Variants in EML1 observed in about 807,000 individuals in gnomAD.
EML1 encodes EMAP like 1, also known as echinoderm microtubule-associated protein-like 1.
Under a neutral mutation model 110.4 loss-of-function variants are expected in EML1, and 27 were observed. The observed-to-expected ratio is 0.24, with a 90% CI of 0.18 to 0.34. EML1 has a LOEUF of 0.34. Ranked by LOEUF, EML1 falls within the 10% of genes least tolerant of loss-of-function variation. The pLI, the probability that EML1 is intolerant of heterozygous loss-of-function variation, is 1.00. For synonymous variants in EML1, 344 were observed against 385.8 expected, an observed-to-expected ratio of 0.89 and a Z score of 1.27; for missense variants, 741 against 1,030.9, an observed-to-expected ratio of 0.72 and a Z score of 3.85.
chr14:99,756,993 G>A (rs375871287), intron 1 of EML1, among the ~76,000 whole-genome samples: 1 of 152,314 alleles, frequency 6.6e-6, no homozygotes, highest in Non-Finnish European at 1.5e-5. Context: ...CCCCAGGACC[G>A]GCGGCACAAT....
At chr14:99,920,664 T>C in intron 16 of EML1, 125 bp from the exon 17 acceptor site, 1 of 747,162 alleles carries the variant, frequency 1.3e-6, no homozygotes, top group Non-Finnish European at 2.1e-6. Flanking sequence ...ACAAGCTTTC[T>C]TATTAAGCAA....
At chr14:99,922,218 C>T (rs576576925) in intron 17 of EML1, among the ~76,000 whole-genome samples, 11 of 151,938 alleles carry the variant, frequency 7.2e-5, no homozygotes, top group Admixed American at 2.0e-4. Flanking sequence ...CAGGTTCAAG[C>T]GATTCTTCTG....
At chr14:99,835,193 C>T (rs929806202) in intron 1 of EML1, among the ~76,000 whole-genome samples, 11 of 152,088 alleles carry the variant, frequency 7.2e-5, no homozygotes, top group Non-Finnish European at 1.5e-4. Context: ...CTTGCATGAG[C>T]TTTGTTACTT....
intron 1 of EML1, among the ~76,000 whole-genome samples, chr14:99,816,540 G>A (rs1456177935): frequency 6.6e-6 from 1 of 152,260 alleles, no homozygotes; most frequent in Admixed American, 6.5e-5. Context: ...GACATCAGGA[G>A]CTTAGAGGCT....
Position 99,809,090 on chromosome 14 carries a change from G to A in EML1, c.67+15547G>A, listed in dbSNP as rs561620603. Among the ~76,000 whole-genome samples the A allele has an allele frequency of 8.5e-5, 13 of 152,296 alleles. No individual in the cohort carries two copies. The East Asian group carries it at 1.7e-3, about 20-fold the overall frequency. On this transcript the variant is annotated intron_variant, in intron 1 of 21. Transcript: ENST00000262233. The stretch of plus-strand genomic sequence containing the variant: ...ATTTGTTGTCTTCATGTTAGCATCC[G>A]TGTTGACCTGGTAATCTATACCTTT...
chr14:99,769,556 GGTTTGTC>G (rs1343057256), upstream of EML1, among the ~76,000 whole-genome samples: 5 of 152,194 alleles, frequency 3.3e-5, no homozygotes, highest in African/African-American at 1.2e-4. Flanking sequence ...CAGTTTCAAT[GGTTTGTC>G]AATCTGATAT....
chr14:99,917,180 A>G (rs1253224460), intron 15 of EML1, among the ~76,000 whole-genome samples: 1 of 152,326 alleles, frequency 6.6e-6, no homozygotes, highest in East Asian at 1.9e-4. Flanking sequence ...GCTGGGTTCT[A>G]TAAGCTGTGA....
intron 4 of EML1, among the ~76,000 whole-genome samples, chr14:99,879,283 CT>C (rs200847445): frequency 6.6e-6 from 1 of 152,224 alleles, no homozygotes; most frequent in East Asian, 1.9e-4. Flanking sequence ...ATATTTATAT[CT>C]ATATAATGTA....
intron 17 of EML1, among the ~76,000 whole-genome samples, chr14:99,924,614 CA>C (rs2060200456): frequency 6.6e-6 from 1 of 152,066 alleles, no homozygotes; most frequent in South Asian, 2.1e-4. Context: ...TTACTGAAAC[CA>C]CAGAAAGTTG....
intron 4 of EML1, among the ~76,000 whole-genome samples, chr14:99,881,193 G>A (rs747093470): frequency 3.3e-5 from 5 of 152,208 alleles, no homozygotes; most frequent in Admixed American, 6.5e-5. Context: ...TAGGGTGCAT[G>A]TGAGTGAGAG....
At chr14:99,809,293 G>A (rs145513106) in intron 1 of EML1, among the ~76,000 whole-genome samples, 1 of 152,108 alleles carries the variant, frequency 6.6e-6, no homozygotes, top group East Asian at 1.9e-4. Context: ...CTTTGACCTT[G>A]TTCTTCAGGC....
chr14:99,870,084 G>A (rs111507118), intron 3 of EML1, among the ~76,000 whole-genome samples: 2,941 of 152,270 alleles, frequency 0.019, 97 homozygotes, highest in African/African-American at 0.068. Flanking sequence ...TAGATGCAAA[G>A]AAAAAGTTCT....
At chr14:99,761,447 GGT>G (rs2057312799) in intron 1 of EML1, among the ~76,000 whole-genome samples, 1 of 152,134 alleles carries the variant, frequency 6.6e-6, no homozygotes, top group South Asian at 2.1e-4. Flanking sequence ...TTGCTCACTG[GGT>G]GTCTTACTGG....
At chr14:99,761,505 T>C (rs1484951062) in intron 1 of EML1, among the ~76,000 whole-genome samples, 1 of 152,022 alleles carries the variant, frequency 6.6e-6, no homozygotes, top group Non-Finnish European at 1.5e-5. Flanking sequence ...TTGCCCAGGA[T>C]TGGGGCGTAC....
In EML1 at chr14:99,850,862, C is replaced by T. The variant is rs1484904009; in HGVS notation, c.77C>T (p.Ala26Val). The T allele has an allele frequency of 6.2e-7, 1 of 1,613,522 alleles. No individual in the cohort carries two copies. The highest frequency in any genetic ancestry group is 2.2e-5 in the East Asian group (1 of 44,850). Residue 26 changes from alanine (A) to valine (V), a missense_variant, in exon 2 of 22, where the codon GCT (alanine) becomes GTT (valine). Physicochemically the swap from Ala to Val is moderately conservative, Grantham distance 64. Around this residue, in one of 4 missense-constraint regions of EML1, gnomAD observed 226 missense variants for 255.6 expected, o/e 0.88. Coordinates refer to ENST00000262233, the MANE Select transcript of EML1 (RefSeq NM_004434.3). ...CCTTTCTTTGGTTTAGATGACAGCG[C>T]TTCTGCTGCAAGTAGCATGGAGGTG... is the stretch of plus-strand genomic sequence containing the variant. ...SLLQFCNDDSASAASSMEVTD... is the reference protein window; with the variant it reads ...SLLQFCNDDSVSAASSMEVTD...
intron 1 of EML1, among the ~76,000 whole-genome samples, chr14:99,765,273 G>A (rs1252344735): frequency 6.6e-6 from 1 of 151,904 alleles, no homozygotes; most frequent in African/African-American, 2.4e-5. Flanking sequence ...GTACAGTTGA[G>A]TGGCATTAGT....
intron 2 of EML1, 26 bp from the exon 3 acceptor site, chr14:99,865,488 G>A (rs1425844628): frequency 1.9e-6 from 3 of 1,612,560 alleles, no homozygotes; most frequent in Non-Finnish European, 2.5e-6. Context: ...GGAACTTTCT[G>A]ATATTATTTT....
upstream of EML1, among the ~76,000 whole-genome samples, chr14:99,788,893 C>T (rs141500736): frequency 9.9e-5 from 15 of 152,262 alleles, no homozygotes; most frequent in East Asian, 2.1e-3. Flanking sequence ...CTAGGCACTT[C>T]GTGTAAGTGG....
rs929179657 is a variant in EML1 at position 99,917,814 on chromosome 14, A to G, written c.1785A>G (p.Ser595=). 3 of 1,614,108 alleles carry G rather than the reference A, an allele frequency of 1.9e-6. No homozygotes were observed. Among genetic ancestry groups the G allele is most frequent in the Non-Finnish European group, 2.5e-6 (3 of 1,180,024 alleles). The change falls in exon 16 of 22, where the codon TCA becomes TCG. Residue 595 remains serine (S), a synonymous_variant. Coordinates refer to ENST00000262233, the MANE Select transcript of EML1 (RefSeq NM_004434.3). ...DPAQSSGFHP[S]GSVVAVGTLT... Reference sequence around the variant, plus strand: ...CTCAGTCTTCTGGTTTTCATCCTTCAGGGTCTGTGGTTGCAGTCGGAACAC... The same window carrying G: ...CTCAGTCTTCTGGTTTTCATCCTTCGGGGTCTGTGGTTGCAGTCGGAACAC...
Sources: gnomAD v4.1 joint callset for allele counts (sites outside exome capture counted in the v4.1 genomes callset) on GRCh38, gnomAD v4.1.1 for gene constraint, gnomAD v4.1.1 regional missense constraint, MANE v1.5 for transcripts, NCBI Gene and HGNC (gene_info 2026-07-23, HGNC 2026-07-21) for gene names.